The following GYPC variants were observed in gnomAD, a reference collection of about 807,000 sequenced individuals.
GYPC encodes the protein glycophorin-C.
In GYPC, 14 loss-of-function variants were observed where a neutral mutation model predicts 12.6. That is an observed-to-expected ratio of 1.11 (90% CI 0.74 to 1.74). The LOEUF is 1.74. GYPC is among the 40% of genes most tolerant of loss of function. The pLI, the probability that GYPC is intolerant of heterozygous loss-of-function variation, is 0.00. For missense variants in GYPC, 225 were observed against 172.1 expected (o/e 1.31, Z -1.72); for synonymous variants, 78 against 62.1 (o/e 1.26, Z -1.20).
At chr2:126,659,280 C>T (rs1206193748) in intron 1 of GYPC, among the ~76,000 whole-genome samples, 1 of 152,160 alleles carries the variant, frequency 6.6e-6, no homozygotes, top group Non-Finnish European at 1.5e-5. Flanking sequence ...TGCTTTTGTC[C>T]ATTTCCTGTC....
chr2:126,695,418 T>C (rs997668920), intron 3 of GYPC, among the ~76,000 whole-genome samples: 1 of 152,132 alleles, frequency 6.6e-6, no homozygotes, highest in Non-Finnish European at 1.5e-5. Context: ...AAGGCACAGG[T>C]TACAGTGCCA....
At chr2:126,670,464 C>G (rs898010460) in intron 1 of GYPC, among the ~76,000 whole-genome samples, 1 of 152,232 alleles carries the variant, frequency 6.6e-6, no homozygotes, top group Non-Finnish European at 1.5e-5. Flanking sequence ...GGTTTCACCC[C>G]CTTTGGCCTC....
At chr2:126,660,396 C>T (rs1428962096) in intron 1 of GYPC, among the ~76,000 whole-genome samples, 2 of 152,228 alleles carry the variant, frequency 1.3e-5, no homozygotes, top group Non-Finnish European at 2.9e-5. Flanking sequence ...GCCTTTCCAG[C>T]TGCACCTCTC....
intron 1 of GYPC, among the ~76,000 whole-genome samples, chr2:126,674,698 G>A (rs1028625960): frequency 1.3e-5 from 2 of 152,156 alleles, no homozygotes; most frequent in South Asian, 4.1e-4. Context: ...GTGTGGTCGG[G>A]TTGGAAGCCA....
At chr2:126,677,464 AGTGT>A (rs139303126) in intron 1 of GYPC, among the ~76,000 whole-genome samples, 9 of 145,246 alleles carry the variant, frequency 6.2e-5, no homozygotes, top group Admixed American at 5.4e-4. Context: ...AGAGTGTGAC[AGTGT>A]GTGTGTGAGC....
chr2:126,692,245 G>C (rs920712538), intron 2 of GYPC, among the ~76,000 whole-genome samples: 3 of 151,994 alleles, frequency 2.0e-5, no homozygotes, highest in African/African-American at 7.2e-5. Context: ...GGGTCCCTGG[G>C]CTGCCTCAGT....
intron 1 of GYPC, among the ~76,000 whole-genome samples, chr2:126,689,952 G>C (rs557533566): frequency 4.9e-4 from 75 of 152,300 alleles, no homozygotes; most frequent in Non-Finnish European, 9.0e-4. Flanking sequence ...GATATCTGTT[G>C]AGCATCTACC....
In GYPC at chr2:126,686,136, T is replaced by C. The variant is rs887427630; in HGVS notation, c.50-4119T>C. ...AAAAAGAGAACTTTTTAGCACAGTG[T>C]CATCTGAAAATGCAAGAGAAGAGAG... On this transcript the variant is annotated intron_variant, in intron 1 of 3. Coordinates refer to ENST00000259254, the MANE Select transcript of GYPC (RefSeq NM_002101.5). 7.1e-6 allele frequency: 7 copies of C among 985,080 alleles called. No homozygotes were observed. In the African/African-American group the frequency reaches 1.2e-4, roughly 17 times the overall value. 61.0% of individuals were successfully genotyped at this position (985,080 alleles called of 1,614,324 possible).
At chr2:126,670,389 C>T (rs1054752786) in intron 1 of GYPC, among the ~76,000 whole-genome samples, 2 of 152,226 alleles carry the variant, frequency 1.3e-5, no homozygotes, top group Non-Finnish European at 2.9e-5. Context: ...AGCAGGCCAC[C>T]CACCTCACCT....
chr2:126,672,616 C>A (rs574526938), intron 1 of GYPC, among the ~76,000 whole-genome samples: 1 of 152,156 alleles, frequency 6.6e-6, no homozygotes, highest in African/African-American at 2.4e-5. Flanking sequence ...ACCCCTCAAC[C>A]GCAGCTCTGG....
chr2:126,695,380 G>C (rs1000579845), intron 3 of GYPC, among the ~76,000 whole-genome samples: 1 of 152,148 alleles, frequency 6.6e-6, no homozygotes, highest in South Asian at 2.1e-4. Flanking sequence ...AAGGAGAGGA[G>C]GGAAGAGGAA....
At chr2:126,679,703 C>T (rs1327153033) in intron 1 of GYPC, 4 of 152,054 alleles carry the variant, frequency 2.6e-5, no homozygotes, top group African/African-American at 9.7e-5. Flanking sequence ...CAAGGAGAAA[C>T]CCCGTCTCTA....
chr2:126,660,698 C>T (rs893514016), intron 1 of GYPC, among the ~76,000 whole-genome samples: 52 of 152,310 alleles, frequency 3.4e-4, no homozygotes, highest in African/African-American at 1.2e-3. Flanking sequence ...GCTCCCAGGA[C>T]TGCCACCATT....
chr2:126,686,301 A>C, intron 1 of GYPC: 1 of 985,674 alleles, frequency 1.0e-6, no homozygotes, highest in African/African-American at 1.7e-5. Flanking sequence ...AGCTGCACTC[A>C]AGCTGCCAAC....
chr2:126,684,637 G>A (rs185262222), intron 1 of GYPC, among the ~76,000 whole-genome samples: 17 of 152,260 alleles, frequency 1.1e-4, no homozygotes, highest in African/African-American at 3.9e-4. Flanking sequence ...TGTCCTTGTC[G>A]GTTACACAGC....
intron 1 of GYPC, among the ~76,000 whole-genome samples, chr2:126,682,409 C>G (rs561213410): frequency 6.6e-6 from 1 of 152,146 alleles, no homozygotes. Flanking sequence ...AATCCCTGAA[C>G]CCAGCACCAG....
chr2:126,688,853 T>G (rs1239326972), intron 1 of GYPC, among the ~76,000 whole-genome samples: 1 of 152,132 alleles, frequency 6.6e-6, no homozygotes, highest in East Asian at 1.9e-4. Context: ...GCACTATAAT[T>G]AAAGTGATCA....
At chr2:126,695,576 T>G (rs1375670512) in intron 3 of GYPC, among the ~76,000 whole-genome samples, 1 of 152,162 alleles carries the variant, frequency 6.6e-6, no homozygotes, top group Admixed American at 6.5e-5. Context: ...AACGGTACTT[T>G]GAATTTTGAA....
intron 1 of GYPC, chr2:126,686,425 G>A (rs1307467932): frequency 3.0e-6 from 3 of 985,462 alleles, no homozygotes; most frequent in South Asian, 4.7e-5. Flanking sequence ...GACATAGAGA[G>A]TTAGTAGGAA....
Sources: allele counts gnomAD v4.1 joint callset (sites outside exome capture counted in the v4.1 genomes callset), GRCh38; gene constraint gnomAD v4.1.1; transcripts MANE v1.5; gene names NCBI Gene and HGNC (gene_info 2026-07-23, HGNC 2026-07-21).